Variants in UNC13C observed in about 807,000 individuals in gnomAD.
UNC13C encodes the protein unc-13 homolog C, also known as protein unc-13 homolog C.
UNC13C carries 174 observed loss-of-function variants against 245.4 expected under a neutral mutation model. The observed-to-expected ratio is 0.71, with a 90% CI of 0.63 to 0.80. The LOEUF is 0.80. UNC13C is among the 30% of genes least tolerant of loss of function. The pLI is 0.00. For missense variants in UNC13C, 2,829 were observed against 2,602.9 expected (o/e 1.09, Z -1.89); for synonymous variants, 992 against 895.1 (o/e 1.11, Z -1.93).
chr15:54,404,638 G>A (rs1052825142), intron 18 of UNC13C, among the ~76,000 whole-genome samples: 1 of 151,746 alleles, frequency 6.6e-6, no homozygotes, highest in South Asian at 2.1e-4. Flanking sequence ...TGTGAGAAGG[G>A]TTAATTTAAA....
At chr15:54,108,002 C>A (rs1900533811) in intron 2 of UNC13C, among the ~76,000 whole-genome samples, 1 of 152,054 alleles carries the variant, frequency 6.6e-6, no homozygotes, top group Non-Finnish European at 1.5e-5. Flanking sequence ...TTTGAGGCCA[C>A]AGTTTGTAAA....
At chr15:54,328,464 A>G (rs2038353498) in intron 14 of UNC13C, among the ~76,000 whole-genome samples, 2 of 152,220 alleles carry the variant, frequency 1.3e-5, no homozygotes, top group African/African-American at 4.8e-5. Context: ...AAAATCTAAG[A>G]TAGCATGAAT....
intron 24 of UNC13C, among the ~76,000 whole-genome samples, chr15:54,516,154 G>A (rs1894965597): frequency 6.6e-6 from 1 of 152,106 alleles, no homozygotes; most frequent in Admixed American, 6.6e-5. Context: ...TAGCCACATG[G>A]ACTAAGTCAT....
chr15:53,907,013 G>C, the UNC13C span, among the ~76,000 whole-genome samples: 1 of 152,150 alleles, frequency 6.6e-6, no homozygotes, highest in Non-Finnish European at 1.5e-5. Flanking sequence ...GGGGAGTATA[G>C]CATGAGGATT....
chr15:54,009,804 A>G (rs559452088), intron 1 of UNC13C, among the ~76,000 whole-genome samples: 33 of 152,230 alleles, frequency 2.2e-4, no homozygotes, highest in African/African-American at 7.7e-4. Flanking sequence ...TTGGCCTCCC[A>G]AGGAAGTAAC....
At chr15:54,345,734 T>C (rs573657294) in intron 17 of UNC13C, among the ~76,000 whole-genome samples, 7 of 152,312 alleles carry the variant, frequency 4.6e-5, no homozygotes, top group African/African-American at 1.7e-4. Context: ...TTTACGTGAC[T>C]ATCCTATTTA....
chr15:54,349,912 C>G (rs570644524), intron 17 of UNC13C, among the ~76,000 whole-genome samples: 1 of 151,786 alleles, frequency 6.6e-6, no homozygotes, highest in Non-Finnish European at 1.5e-5. Context: ...TACATAGTAA[C>G]ATGGATAAAA....
the UNC13C span, among the ~76,000 whole-genome samples, chr15:53,951,964 A>C: frequency 6.6e-6 from 1 of 152,160 alleles, no homozygotes; most frequent in African/African-American, 2.4e-5. Flanking sequence ...GCCTCTGTAA[A>C]TGGAAAACGT....
chr15:54,528,327 T>TC, intron 25 of UNC13C, among the ~76,000 whole-genome samples: 1 of 151,808 alleles, frequency 6.6e-6, no homozygotes, highest in East Asian at 1.9e-4. Context: ...CCTTTTTTTT[T>TC]TTTTTTCTTA....
intron 2 of UNC13C, among the ~76,000 whole-genome samples, chr15:54,108,879 GC>G (rs1361152683): frequency 1.3e-5 from 2 of 152,212 alleles, no homozygotes; most frequent in Non-Finnish European, 2.9e-5. Flanking sequence ...TCAGATATAA[GC>G]ACTCAGAGGA....
the UNC13C span, among the ~76,000 whole-genome samples, chr15:53,909,938 G>A: frequency 6.9e-6 from 1 of 144,350 alleles, no homozygotes; most frequent in Non-Finnish European, 1.5e-5. Flanking sequence ...TAGGCTTCTT[G>A]GATAGTTTTC....
intron 2 of UNC13C, among the ~76,000 whole-genome samples, chr15:54,016,373 G>A (rs537293599): frequency 6.6e-6 from 1 of 152,248 alleles, no homozygotes; most frequent in Non-Finnish European, 1.5e-5. Context: ...AACAATTTAG[G>A]GGTTGCCCAT....
chr15:54,500,644 GC>G (rs1894165488), intron 21 of UNC13C, among the ~76,000 whole-genome samples, 190 bp from the exon 22 acceptor site: 1 of 152,076 alleles, frequency 6.6e-6, no homozygotes, highest in Non-Finnish European at 1.5e-5. Flanking sequence ...GCAGTAGCTT[GC>G]CCCATGATAT....
rs755981794 is a variant in UNC13C at position 54,549,652 on chromosome 15, C to A, written c.5838C>A (p.Phe1946Leu). The change falls in exon 28 of 33, where the codon TTC (phenylalanine) becomes TTA (leucine). Residue 1946 changes from phenylalanine (F) to leucine (L), a missense_variant. Physicochemically the swap from Phe to Leu is conservative, Grantham distance 22. Transcript: ENST00000260323. ...LTDQTGPQMIFIAAKDLGQLS... is the reference protein window; with the variant it reads ...LTDQTGPQMILIAAKDLGQLS... ...GTTTCTAGGGACCCCAGATGATTTT[C>A]ATTGCAGCTAAAGATCTTGGACAAT... 38 of 1,604,656 alleles carry A rather than the reference C, an allele frequency of 2.4e-5. No homozygotes were observed. Among genetic ancestry groups the A allele is most frequent in the Non-Finnish European group, 3.1e-5 (36 of 1,175,860 alleles).
In UNC13C at chr15:54,623,816, AC is replaced by A; in HGVS notation, c.6222del (p.Trp2075GlyfsTer77). On this transcript the variant is annotated frameshift_variant, in exon 32 of 33. Coordinates refer to ENST00000260323, the MANE Select transcript of UNC13C (RefSeq NM_001080534.3). LOFTEE classifies it high-confidence loss of function. ...TVKVIAINDLNWQTTAMFRPF... is the reference protein window; with the variant it reads ...TVKVIAINDLXWQTTAMFRPF... ...TTAGTGATTGCTATTAATGACCTAA[AC>A]TGGCAGACCACAGCAATGTTCCGCC... The A allele has an allele frequency of 6.2e-7, 1 of 1,612,878 alleles. No individual in the cohort carries two copies. Among genetic ancestry groups the A allele is most frequent in the Non-Finnish European group, 8.5e-7 (1 of 1,179,260 alleles).
rs28754288 is a variant in UNC13C at position 54,614,839 on chromosome 15, C to G, written c.6107-7488C>G. ...ATACTTTTCTAATTTTTCTGAAATG[C>G]AATTCTTCTAAAAATTAAACTTTTA... On this transcript the variant is annotated intron_variant, in intron 30 of 32. Transcript: ENST00000260323. Among the ~76,000 whole-genome samples, 1,473 of 152,030 alleles carry G rather than the reference C, an allele frequency of 9.7e-3. 19 individuals are homozygous for G. The highest frequency in any genetic ancestry group is 0.033 in the African/African-American group (1,373 of 41,516).
intron 4 of UNC13C, among the ~76,000 whole-genome samples, chr15:54,153,045 G>A (rs2032591115): frequency 3.9e-5 from 6 of 152,026 alleles, no homozygotes; most frequent in Admixed American, 3.9e-4. Flanking sequence ...CTAAAAATGT[G>A]TGCTGCTGCT....
intron 20 of UNC13C, among the ~76,000 whole-genome samples, chr15:54,499,087 G>T (rs185827559): frequency 1.2e-3 from 188 of 152,194 alleles, no homozygotes; most frequent in African/African-American, 4.4e-3. Context: ...TTGGCTCACA[G>T]TTCTGCAGGC....
the UNC13C span, among the ~76,000 whole-genome samples, chr15:53,860,528 T>A: frequency 2.0e-5 from 3 of 152,112 alleles, no homozygotes; most frequent in Non-Finnish European, 2.9e-5. Context: ...TTGGCCATCA[T>A]CATTGGAAAT....
Sources: gnomAD v4.1 joint callset for allele counts (sites outside exome capture counted in the v4.1 genomes callset) on GRCh38, gnomAD v4.1.1 for gene constraint, MANE v1.5 for transcripts, NCBI Gene and HGNC (gene_info 2026-07-23, HGNC 2026-07-21) for gene names.